Variants in MEGF8 observed in about 807,000 individuals in gnomAD.
The protein encoded by MEGF8 is multiple EGF like domains 8.
In MEGF8, 156 loss-of-function variants were observed where a neutral mutation model predicts 302.9. That is an observed-to-expected ratio of 0.52 (90% CI 0.45 to 0.59). The LOEUF (loss-of-function observed/expected upper bound fraction) is 0.59, where lower values mean the gene tolerates loss of function less well. Ranked by LOEUF, MEGF8 falls within the 20% of genes least tolerant of loss-of-function variation. MEGF8 has a pLI of 0.00. For missense variants in MEGF8, 3,345 were observed against 3,964.5 expected (o/e 0.84, Z 4.20); for synonymous variants, 1,621 against 1,660.5 (o/e 0.98, Z 0.58).
chr19:42,347,870 C>G (rs2039313161), intron 12 of MEGF8, among the ~76,000 whole-genome samples: 2 of 152,154 alleles, frequency 1.3e-5, no homozygotes, highest in African/African-American at 4.8e-5. Context: ...GACTGTTCCA[C>G]TCTTCTGCTA....
In MEGF8 at chr19:42,353,897, C is replaced by A; in HGVS notation, c.3884C>A (p.Ala1295Asp). Residue 1295 changes from alanine (A) to aspartate (D), a missense_variant, in exon 22 of 42, where the codon GCC becomes GAC. Coordinates refer to ENST00000251268, the MANE Select transcript of MEGF8 (RefSeq NM_001271938.2). The surrounding 1 kb of genome is among the most constrained non-coding windows in gnomAD (Gnocchi z 6.1). ...LLPPGGGAARAGPGLSYCVWV... is the reference protein window; with the variant it reads ...LLPPGGGAARDGPGLSYCVWV... ...CCTCCAGGTGGCGGGGCTGCAAGAGCCGGGCCTGGCCTGTCCTACTGTGTG... is the reference window on the plus strand; with the variant it reads ...CCTCCAGGTGGCGGGGCTGCAAGAGACGGGCCTGGCCTGTCCTACTGTGTG... 1 of 1,593,364 alleles carries A rather than the reference C, an allele frequency of 6.3e-7. No homozygotes were observed. Among genetic ancestry groups the A allele is most frequent in the East Asian group, 2.3e-5 (1 of 43,768 alleles).
In MEGF8 at chr19:42,325,750, C is replaced by T. The variant is rs570210510; in HGVS notation, c.-494C>T. The T allele has an allele frequency of 1.8e-4, 28 of 154,648 alleles. No homozygotes were observed. The highest frequency in any genetic ancestry group is 1.3e-3 in the Admixed American group (20 of 15,356). 9.6% of individuals were successfully genotyped at this position (154,648 alleles called of 1,614,324 possible). On this transcript the variant is annotated 5_prime_UTR_variant, in exon 1 of 42. Coordinates refer to ENST00000251268, the MANE Select transcript of MEGF8 (RefSeq NM_001271938.2). ...GAAGACGGGCTCCGCCCCCGGCACC[C>T]GCTCGCGCCCCGCCCCCGGCTGGAG...
chr19:42,340,323 AG>A, intron 8 of MEGF8, among the ~76,000 whole-genome samples: 1 of 152,020 alleles, frequency 6.6e-6, no homozygotes, highest in Admixed American at 6.6e-5. Flanking sequence ...TCTGCCTCCG[AG>A]GTTCAAGCAA....
chr19:42,330,202 C>T (rs2039037891), intron 1 of MEGF8, among the ~76,000 whole-genome samples: 1 of 152,184 alleles, frequency 6.6e-6, no homozygotes, highest in South Asian at 2.1e-4. Context: ...GGATTACAGA[C>T]GTGAGCCACC....
At chr19:42,373,706 G>GTT (rs750576656) in intron 41 of MEGF8, among the ~76,000 whole-genome samples, 1,418 of 100,922 alleles carry the variant, frequency 0.014, 55 homozygotes, top group African/African-American at 0.039. Context: ...GGGCTTTTGG[G>GTT]TTTTTTTTTT....
Position 42,376,429 on chromosome 19 carries a change from T to G in MEGF8, c.8192T>G (p.Phe2731Cys). The change falls in exon 42 of 42, where the codon TTC (phenylalanine) becomes TGC (cysteine). Residue 2731 changes from phenylalanine to cysteine, a missense_variant. Phe to Cys is a radical substitution (Grantham distance 205, BLOSUM62 -2). Transcript: ENST00000251268. The surrounding 1 kb of genome is among the most constrained non-coding windows in gnomAD (Gnocchi z 8.2). ...PPPAFRRSEPFLAPLLLTGAG... is the reference protein window; with the variant it reads ...PPPAFRRSEPCLAPLLLTGAG... ...CCCGCCTTCCGCCGCTCTGAGCCCT[T>G]CCTGGCACCCCTGCTGCTGACAGGG... 1 of 1,612,156 alleles carries G rather than the reference T, an allele frequency of 6.2e-7. No individual in the cohort carries two copies. The highest frequency in any genetic ancestry group is 1.6e-4 in the Middle Eastern group (1 of 6,082).
In MEGF8 at chr19:42,342,311, T is replaced by G. The variant is rs73033431; in HGVS notation, c.1514-1166T>G. Among the ~76,000 whole-genome samples the G allele has an allele frequency of 2.1e-3, 323 of 152,318 alleles. 3 individuals are homozygous for G. Among genetic ancestry groups the G allele is most frequent in the Admixed American group, 3.5e-3 (54 of 15,300 alleles). ...GTCAGTCAGGATTCTTGGCTGTAAC[T>G]GACAGAAACCCAACCCAGCTGGCTT... On this transcript the variant is annotated intron_variant, in intron 8 of 41. Transcript: ENST00000251268.
At chr19:42,374,287 A>G (rs1021929296) in intron 41 of MEGF8, among the ~76,000 whole-genome samples, 3 of 152,010 alleles carry the variant, frequency 2.0e-5, no homozygotes, top group Non-Finnish European at 2.9e-5. Context: ...CCTGGCCAAC[A>G]TGGTGAAACC....
rs1025224363 is a variant in MEGF8 at position 42,357,628 on chromosome 19, G to A, written c.5011+44G>A. The A allele has an allele frequency of 1.3e-5, 19 of 1,519,738 alleles. No individual in the cohort carries two copies. The highest frequency in any genetic ancestry group is 1.8e-4 in the Middle Eastern group (1 of 5,508). The allele number at this position is 1,519,738 out of a possible 1,614,324, so 94.1% of individuals were successfully genotyped here. A position where few individuals can be genotyped will look rare whatever the true frequency, so the allele number is the denominator to read the frequency against. On this transcript the variant is annotated intron_variant, in intron 28 of 41. Transcript: ENST00000251268. The surrounding 1 kb of genome is among the most constrained non-coding windows in gnomAD (Gnocchi z 5.2). ...AGGGGACAGCCCCCGTGGACCTCCCGGGCATCTGGGCTTCCTGTGGGCTCT... is the reference window on the plus strand; with the variant it reads ...AGGGGACAGCCCCCGTGGACCTCCCAGGCATCTGGGCTTCCTGTGGGCTCT...
Position 42,377,438 on chromosome 19 carries a change from GGGAAGCTGTT to G in MEGF8, c.*667_*676del, listed in dbSNP as rs1462197130. 3 of 152,704 alleles carry G rather than the reference GGGAAGCTGTT, an allele frequency of 2.0e-5. No homozygotes were observed. Among genetic ancestry groups the G allele is most frequent in the Non-Finnish European group, 4.4e-5 (3 of 68,116 alleles). The allele number at this position is 152,704 out of a possible 1,614,324, so 9.5% of individuals were successfully genotyped here. The stretch of plus-strand genomic sequence containing the variant: ...TTTTGGGTTTTATTCTCAGGGCAAT[GGGAAGCTGTT>G]GGATGGTTTGATGAAGGGGAGTGAC... On this transcript the variant is annotated 3_prime_UTR_variant, in exon 42 of 42. Coordinates refer to ENST00000251268, the MANE Select transcript of MEGF8 (RefSeq NM_001271938.2).
chr19:42,365,645 G>C (rs899515552), intron 35 of MEGF8, among the ~76,000 whole-genome samples: 1 of 151,174 alleles, frequency 6.6e-6, no homozygotes, highest in Non-Finnish European at 1.5e-5. Context: ...AGTGGTGTGT[G>C]TCTGTAGTCC....
rs929516770 is a variant in MEGF8, at chr19:42,325,737, C to G, written c.-507C>G. On this transcript the variant is annotated 5_prime_UTR_variant, in exon 1 of 42. Transcript: ENST00000251268. ...GGCCCGAACCCCTGAAGACGGGCTC[C>G]GCCCCCGGCACCCGCTCGCGCCCCG... 6.5e-6 allele frequency: 1 copy of G among 154,110 alleles called. No homozygotes were observed. The highest frequency in any genetic ancestry group is 6.5e-5 in the Admixed American group (1 of 15,334). The allele number at this position is 154,110 out of a possible 1,614,324, so 9.5% of individuals were successfully genotyped here.
intron 35 of MEGF8, among the ~76,000 whole-genome samples, chr19:42,365,016 A>G (rs1240206752): frequency 1.3e-5 from 2 of 152,138 alleles, no homozygotes; most frequent in Non-Finnish European, 2.9e-5. Flanking sequence ...TCTCCACTGT[A>G]TGGGACACAC....
chr19:42,354,050 AG>A lies in MEGF8; in HGVS notation c.4011+28del, dbSNP rs747218421. 1 of 1,575,590 alleles carries A rather than the reference AG, an allele frequency of 6.3e-7. No homozygotes were observed. Among genetic ancestry groups the A allele is most frequent in the Non-Finnish European group, 8.6e-7 (1 of 1,162,988 alleles). On this transcript the variant is annotated intron_variant, in intron 22 of 41. Coordinates refer to ENST00000251268, the MANE Select transcript of MEGF8 (RefSeq NM_001271938.2). The surrounding 1 kb of genome is among the most constrained non-coding windows in gnomAD (Gnocchi z 4.3). ...GTGAGCACTGAGGAAACGAGGGTTC[AG>A]GCGCATGAGCCAGAACCGTGTCCCC...
At chr19:42,346,724 C>T (rs538108844) in intron 12 of MEGF8, among the ~76,000 whole-genome samples, 2 of 152,102 alleles carry the variant, frequency 1.3e-5, no homozygotes, top group East Asian at 3.9e-4. Context: ...GTGGCTCACG[C>T]CGGTAATCCC....
chr19:42,368,777 GA>G lies in MEGF8; in HGVS notation c.6482-65del. 3 of 1,574,986 alleles carry G rather than the reference GA, an allele frequency of 1.9e-6. No individual in the cohort carries two copies. Among genetic ancestry groups the G allele is most frequent in the Non-Finnish European group, 2.6e-6 (3 of 1,159,604 alleles). On this transcript the variant is annotated intron_variant, in intron 36 of 41. Transcript: ENST00000251268. This position sits in a 1 kb window ranked among gnomAD's most constrained non-coding sequence, Gnocchi z 4.9. The stretch of plus-strand genomic sequence containing the variant: ...GGTGGGGCTCAGAGGAGGCAGGAGG[GA>G]GGGCCTAGGCAACTGGGGCAGGTGG...
chr19:42,368,602 T>TG lies in MEGF8; in HGVS notation c.6428dup (p.Gln2144ProfsTer17), dbSNP rs1258909672. 9 of 1,572,582 alleles carry TG rather than the reference T, an allele frequency of 5.7e-6. No homozygotes were observed. Among genetic ancestry groups the TG allele is most frequent in the Non-Finnish European group, 4.3e-6 (5 of 1,159,914 alleles). ...GCGCCCCCATTGCGGCTGGTGTGCC[T>TG]GGGGGGGCCAGGATGGGGGTGGCCG... On this transcript the variant is annotated frameshift_variant, in exon 36 of 42. Transcript: ENST00000251268. LOFTEE classifies it high-confidence loss of function. This position sits in a 1 kb window ranked among gnomAD's most constrained non-coding sequence, Gnocchi z 4.9.
rs891933431 is a variant in MEGF8 at position 42,357,148 on chromosome 19, G to A, written c.4830+167G>A. ...TTGTCCTGAGCCAGTCCTGGGCTGG[G>A]ACACAGCTTCACTCAGCAGCAGAGA... On this transcript the variant is annotated intron_variant, in intron 27 of 41. Transcript: ENST00000251268. This position sits in a 1 kb window ranked among gnomAD's most constrained non-coding sequence, Gnocchi z 5.2. Among the ~76,000 whole-genome samples the A allele has an allele frequency of 1.3e-5, 2 of 152,172 alleles. No homozygotes were observed. The highest frequency in any genetic ancestry group is 1.3e-4 in the Admixed American group (2 of 15,284).
At position 42,363,183 on chromosome 19, in the gene MEGF8, C is replaced by T. The variant is rs1363040606; in HGVS notation, c.6194C>T (p.Pro2065Leu). The T allele has an allele frequency of 6.2e-7, 1 of 1,612,304 alleles. No individual in the cohort carries two copies. The highest frequency in any genetic ancestry group is 1.1e-5 in the South Asian group (1 of 90,640). ...LPCPTPCHLL[P>L]NCTSCLDSKG... ...TGCCCCACCCCTTGTCACCTCCTAC[C>T]CAACTGTACCTCCTGCCTGGACTCT... Residue 2065 changes from proline (P) to leucine (L), a missense_variant, in exon 35 of 42, where the codon CCC (proline) becomes CTC (leucine). Physicochemically the swap from Pro to Leu is moderately conservative, Grantham distance 98 (BLOSUM62 -3). Coordinates refer to ENST00000251268, the MANE Select transcript of MEGF8 (RefSeq NM_001271938.2).
Sources: allele counts gnomAD v4.1 joint callset (sites outside exome capture counted in the v4.1 genomes callset), GRCh38; gene constraint gnomAD v4.1.1; non-coding constraint Gnocchi (gnomAD v3.1); transcripts MANE v1.5; gene names NCBI Gene and HGNC (gene_info 2026-07-23, HGNC 2026-07-21).